Variants in IL1RAPL1 observed in about 807,000 individuals in gnomAD.
IL1RAPL1 encodes the protein interleukin 1 receptor accessory protein like 1.
IL1RAPL1 carries 3 observed loss-of-function variants against 48.4 expected under a neutral mutation model. The observed-to-expected ratio is 0.06, with a 90% CI of 0.03 to 0.16. The LOEUF (loss-of-function observed/expected upper bound fraction) is 0.16. IL1RAPL1 is among the 10% of genes least tolerant of loss of function. The pLI is 1.00. For synonymous variants in IL1RAPL1, 185 were observed against 187.7 expected, an observed-to-expected ratio of 0.99 and a Z score of 0.12; for missense variants, 349 against 530.6, an observed-to-expected ratio of 0.66 and a Z score of 3.36.
chrX:29,652,513 T>G, intron 5 of IL1RAPL1, among the ~76,000 whole-genome samples: 1 of 111,442 alleles, frequency 9.0e-6, no homozygotes, highest in East Asian at 2.8e-4. Flanking sequence ...AAGAAAGTGG[T>G]AAATTGGGGA....
intron 9 of IL1RAPL1, among the ~76,000 whole-genome samples, chrX:29,950,561 C>T (rs187374137): frequency 8.9e-6 from 1 of 111,777 alleles, no homozygotes; most frequent in African/African-American, 3.2e-5. Context: ...CTACTCTTCA[C>T]CTACTGAATG....
intron 6 of IL1RAPL1, among the ~76,000 whole-genome samples, chrX:29,802,978 TAC>T (rs1262005814): frequency 4.8e-5 from 4 of 83,583 alleles, no homozygotes; most frequent in South Asian, 5.5e-4. Context: ...CATATATACA[TAC>T]ATGTGTACAT....
chrX:29,521,291 ATAGATC>A (rs1935500239), intron 5 of IL1RAPL1, among the ~76,000 whole-genome samples: 1 of 112,051 alleles, frequency 8.9e-6, no homozygotes, highest in Admixed American at 9.5e-5. Context: ...TCGATGGACC[ATAGATC>A]TGCCTAATTA....
chrX:29,499,469 G>A (rs1422907291), intron 5 of IL1RAPL1, among the ~76,000 whole-genome samples: 1 of 110,547 alleles, frequency 9.0e-6, no homozygotes, highest in African/African-American at 3.3e-5. Context: ...TATTCATTTT[G>A]GATCCCCTCC....
At chrX:29,760,930 T>C (rs1227914571) in intron 6 of IL1RAPL1, among the ~76,000 whole-genome samples, 1 of 112,039 alleles carries the variant, frequency 8.9e-6, no homozygotes, top group Non-Finnish European at 1.9e-5. Context: ...GCATTGCTTT[T>C]AAGAATGAGT....
At chrX:29,937,839 A>C (rs924805840) in intron 8 of IL1RAPL1, among the ~76,000 whole-genome samples, 3 of 111,712 alleles carry the variant, frequency 2.7e-5, no homozygotes, top group African/African-American at 9.8e-5. Context: ...TCTCAGGATA[A>C]ATTAGCTCCT....
At chrX:29,377,477 T>C (rs983719636) in intron 3 of IL1RAPL1, among the ~76,000 whole-genome samples, 7 of 112,010 alleles carry the variant, frequency 6.2e-5, no homozygotes, top group African/African-American at 9.7e-5. Context: ...CTTAAGTGTG[T>C]TTTTGTGGTA....
intron 8 of IL1RAPL1, among the ~76,000 whole-genome samples, chrX:29,924,143 T>A: frequency 8.9e-6 from 1 of 112,102 alleles, no homozygotes; most frequent in Non-Finnish European, 1.9e-5. Context: ...AACTCGTATG[T>A]GTAAATACTT....
chrX:29,317,426 A>G (rs1294176895), intron 3 of IL1RAPL1, among the ~76,000 whole-genome samples: 2 of 112,237 alleles, frequency 1.8e-5, no homozygotes, highest in Non-Finnish European at 3.8e-5. Context: ...TTAATTTACA[A>G]TTATGATTTA....
chrX:29,166,471 A>G (rs1206732957), intron 2 of IL1RAPL1, among the ~76,000 whole-genome samples: 1 of 111,590 alleles, frequency 9.0e-6, no homozygotes, highest in African/African-American at 3.2e-5. Flanking sequence ...GCATCTCTCC[A>G]TTTCCAACAC....
At chrX:29,093,869 G>A (rs1328333765) in intron 2 of IL1RAPL1, among the ~76,000 whole-genome samples, 1 of 111,594 alleles carries the variant, frequency 9.0e-6, no homozygotes, top group Non-Finnish European at 1.9e-5. Flanking sequence ...CTCCAGGCCT[G>A]GTCTGTGGGT....
At chrX:29,809,272 A>G (rs1419676305) in intron 6 of IL1RAPL1, among the ~76,000 whole-genome samples, 1 of 91,901 alleles carries the variant, frequency 1.1e-5, no homozygotes, top group East Asian at 3.3e-4. Flanking sequence ...AATTTTTTGC[A>G]TTTTTTTTTT....
chrX:29,922,634 C>T (rs1283815002), intron 8 of IL1RAPL1, among the ~76,000 whole-genome samples: 1 of 111,993 alleles, frequency 8.9e-6, no homozygotes, highest in Non-Finnish European at 1.9e-5. Flanking sequence ...TCACATATGA[C>T]ATGACCTGAA....
At chrX:29,925,412 G>GTT (rs763481708) in intron 8 of IL1RAPL1, among the ~76,000 whole-genome samples, 656 of 11,458 alleles carry the variant, frequency 0.057, 279 homozygotes, top group South Asian at 0.19. Flanking sequence ...TCCCGTAACT[G>GTT]TTTTTTTTTT....
intron 5 of IL1RAPL1, among the ~76,000 whole-genome samples, chrX:29,650,971 A>G (rs1317355045): frequency 9.0e-6 from 1 of 111,212 alleles, no homozygotes; most frequent in Non-Finnish European, 1.9e-5. Context: ...ATAGACAGGT[A>G]TAGACATTTC....
At chrX:29,508,917 C>T (rs1935364753) in intron 5 of IL1RAPL1, among the ~76,000 whole-genome samples, 1 of 111,611 alleles carries the variant, frequency 9.0e-6, no homozygotes, top group African/African-American at 3.3e-5. Context: ...TCTACAAATT[C>T]TAAGAGTAAC....
chrX:29,395,191 A>G (rs1000602474), intron 3 of IL1RAPL1, among the ~76,000 whole-genome samples: 2 of 111,902 alleles, frequency 1.8e-5, no homozygotes, highest in African/African-American at 6.5e-5. Context: ...GACTCAAAGG[A>G]GTTAAATAAA....
At chrX:29,672,750 A>C (rs1056990438) in intron 6 of IL1RAPL1, among the ~76,000 whole-genome samples, 1 of 111,850 alleles carries the variant, frequency 8.9e-6, no homozygotes, top group Non-Finnish European at 1.9e-5. Context: ...ACACACCTCT[A>C]AATTTTCTGC....
chrX:28,895,838 A>G (rs1022595592), intron 2 of IL1RAPL1, among the ~76,000 whole-genome samples: 2 of 111,921 alleles, frequency 1.8e-5, no homozygotes, highest in Non-Finnish European at 3.8e-5. Context: ...CGAGGCAATC[A>G]GGCAATGTCA....
Sources: gnomAD v4.1 joint callset for allele counts (sites outside exome capture counted in the v4.1 genomes callset) on GRCh38, gnomAD v4.1.1 for gene constraint, MANE v1.5 for transcripts, NCBI Gene and HGNC (gene_info 2026-07-23, HGNC 2026-07-21) for gene names.